The following CPA6 variants were observed in gnomAD, a reference collection of about 807,000 sequenced individuals.
The protein encoded by CPA6 is carboxypeptidase B.
In CPA6, 58 loss-of-function variants were observed where a neutral mutation model predicts 63.3. That is an observed-to-expected ratio of 0.92 (90% CI 0.74 to 1.14). The LOEUF is 1.14. Among genes scored for constraint, CPA6 ranks in the 50% most tolerant of loss-of-function variants. CPA6 has a pLI of 0.00. For missense variants in CPA6, 565 were observed against 526.6 expected, an observed-to-expected ratio of 1.07 and a Z score of -0.71; for synonymous variants, 185 against 179.0, an observed-to-expected ratio of 1.03 and a Z score of -0.27.
At chr8:67,571,243 TC>T (rs1813478710) in intron 2 of CPA6, among the ~76,000 whole-genome samples, 1 of 152,132 alleles carries the variant, frequency 6.6e-6, no homozygotes. Flanking sequence ...AGATTGCCAT[TC>T]AATAGCAGCA....
chr8:67,561,199 C>G (rs1330274320), intron 2 of CPA6, among the ~76,000 whole-genome samples: 2 of 152,076 alleles, frequency 1.3e-5, no homozygotes, highest in Non-Finnish European at 1.5e-5. Context: ...CTCTCCATTA[C>G]TTTAGTTAAA....
At chr8:67,462,986 T>C (rs1347423662) in intron 8 of CPA6, among the ~76,000 whole-genome samples, 1 of 152,224 alleles carries the variant, frequency 6.6e-6, no homozygotes, top group Non-Finnish European at 1.5e-5. Flanking sequence ...CTCATAGTGG[T>C]AACAAGATTT....
chr8:67,569,533 G>T, intron 2 of CPA6: 1 of 453,602 alleles, frequency 2.2e-6, no homozygotes, highest in South Asian at 1.8e-5. Flanking sequence ...AGAGCTTGAG[G>T]AACAAAATTC....
At chr8:67,433,149 G>A (rs1402605272) in intron 9 of CPA6, among the ~76,000 whole-genome samples, 7 of 152,192 alleles carry the variant, frequency 4.6e-5, no homozygotes, top group Non-Finnish European at 1.0e-4. Flanking sequence ...TGAGTTGATT[G>A]CTCAACAAAC....
chr8:67,568,027 T>C (rs112423469), intron 2 of CPA6, among the ~76,000 whole-genome samples: 135 of 152,190 alleles, frequency 8.9e-4, no homozygotes, highest in African/African-American at 3.0e-3. Flanking sequence ...TAGCCAGCTG[T>C]CTCACCTGAA....
chr8:67,573,858 C>T (rs535674754), intron 2 of CPA6, among the ~76,000 whole-genome samples: 6 of 124,554 alleles, frequency 4.8e-5, no homozygotes, highest in African/African-American at 1.6e-4. Context: ...CGCCACTGCA[C>T]TCCAGCCTGG....
intron 1 of CPA6, among the ~76,000 whole-genome samples, chr8:67,657,621 C>T (rs1816016784): frequency 6.6e-6 from 1 of 152,202 alleles, no homozygotes; most frequent in Non-Finnish European, 1.5e-5. Context: ...CCTGATAGGC[C>T]TTCAGCAAAT....
chr8:67,743,906 A>C (rs1260482352), intron 1 of CPA6, among the ~76,000 whole-genome samples: 1 of 152,202 alleles, frequency 6.6e-6, no homozygotes, highest in Non-Finnish European at 1.5e-5. Flanking sequence ...AGTAGCAAAA[A>C]ACAAATGAGA....
intron 8 of CPA6, among the ~76,000 whole-genome samples, chr8:67,475,928 TTC>T (rs1464468529): frequency 2.1e-5 from 2 of 93,160 alleles, no homozygotes; most frequent in East Asian, 5.6e-4. Context: ...CTTTCTTTCT[TTC>T]TTTCTCTTTC....
At chr8:67,657,518 GTTC>G (rs1816014022) in intron 1 of CPA6, among the ~76,000 whole-genome samples, 1 of 152,130 alleles carries the variant, frequency 6.6e-6, no homozygotes, top group African/African-American at 2.4e-5. Flanking sequence ...ATGATAAATT[GTTC>G]AACCCATCTT....
intron 1 of CPA6, among the ~76,000 whole-genome samples, chr8:67,627,299 T>A (rs372727417): frequency 1.9e-4 from 29 of 152,332 alleles, no homozygotes; most frequent in African/African-American, 5.8e-4. Flanking sequence ...TGATAGCTAG[T>A]GTTTTTTGAA....
chr8:67,718,935 G>A (rs1484693492), intron 1 of CPA6, among the ~76,000 whole-genome samples: 4 of 152,062 alleles, frequency 2.6e-5, no homozygotes, highest in South Asian at 2.1e-4. Context: ...ATGAGCCACC[G>A]CACCTGGCCA....
At chr8:67,592,010 A>G (rs1814140619) in intron 2 of CPA6, among the ~76,000 whole-genome samples, 1 of 152,094 alleles carries the variant, frequency 6.6e-6, no homozygotes, top group Non-Finnish European at 1.5e-5. Flanking sequence ...TCAGTATGAT[A>G]TTGGCTGTGG....
intron 2 of CPA6, among the ~76,000 whole-genome samples, chr8:67,616,687 T>C (rs1165188762): frequency 6.6e-6 from 1 of 152,146 alleles, no homozygotes; most frequent in African/African-American, 2.4e-5. Context: ...TGTGACTTTC[T>C]TTGGCTAGGA....
chr8:67,629,570 T>C (rs1392282148), intron 1 of CPA6, among the ~76,000 whole-genome samples: 1 of 151,810 alleles, frequency 6.6e-6, no homozygotes, highest in African/African-American at 2.4e-5. Context: ...GAAAAATTAA[T>C]AAAGACAAGT....
intron 8 of CPA6, among the ~76,000 whole-genome samples, chr8:67,476,495 C>T (rs1482226147): frequency 6.6e-6 from 1 of 151,654 alleles, no homozygotes. Context: ...GAAATAGTAC[C>T]TGGGGGATCT....
chr8:67,650,472 C>T (rs1204873209), intron 1 of CPA6, among the ~76,000 whole-genome samples: 3 of 152,082 alleles, frequency 2.0e-5, no homozygotes, highest in African/African-American at 7.2e-5. Context: ...TCCATACACC[C>T]CACTGTCAAG....
chr8:67,687,631 A>G (rs1416357033), intron 1 of CPA6, among the ~76,000 whole-genome samples: 4 of 152,174 alleles, frequency 2.6e-5, no homozygotes, highest in African/African-American at 9.7e-5. Flanking sequence ...GGAAGCATGT[A>G]TCTAATGAGC....
At chr8:67,495,989 G>A (rs1279778982) in intron 6 of CPA6, among the ~76,000 whole-genome samples, 2 of 151,990 alleles carry the variant, frequency 1.3e-5, no homozygotes, top group Admixed American at 6.6e-5. Context: ...AATCTACAAC[G>A]CCCACATATC....
Sources: gnomAD v4.1 joint callset for allele counts (sites outside exome capture counted in the v4.1 genomes callset) on GRCh38, gnomAD v4.1.1 for gene constraint, MANE v1.5 for transcripts, NCBI Gene and HGNC (gene_info 2026-07-23, HGNC 2026-07-21) for gene names.